CNTNAP2: variants seen among roughly 807,000 people sequenced by gnomAD.
CNTNAP2 encodes the protein contactin associated protein 2.
CNTNAP2 carries 98 observed loss-of-function variants against 155.2 expected under a neutral mutation model. That is an observed-to-expected ratio of 0.63 (90% confidence interval 0.54 to 0.75). The LOEUF is 0.75. CNTNAP2 is among the 30% of genes least tolerant of loss of function. The probability of loss-of-function intolerance (pLI) is 0.00; values close to 1 mark genes in which losing one functional copy is unlikely to be tolerated. For synonymous variants in CNTNAP2, 651 were observed against 631.2 expected (o/e 1.03, Z -0.47); for missense variants, 1,727 against 1,688.1 (o/e 1.02, Z -0.40).
chr7:148,133,828 A>G (rs1804882833), intron 16 of CNTNAP2: 1 of 152,152 alleles, frequency 6.6e-6, no homozygotes, highest in Non-Finnish European at 1.5e-5. Flanking sequence ...AGGTACTATG[A>G]CACCAAAAAG....
At chr7:147,656,517 C>T (rs908819422) in intron 13 of CNTNAP2, among the ~76,000 whole-genome samples, 2 of 152,050 alleles carry the variant, frequency 1.3e-5, no homozygotes, top group Admixed American at 6.6e-5. Flanking sequence ...ATAAGAAGGC[C>T]TGAGGAGAAG....
chr7:146,974,736 C>T (rs1361044214), intron 3 of CNTNAP2, among the ~76,000 whole-genome samples: 1 of 152,138 alleles, frequency 6.6e-6, no homozygotes, highest in African/African-American at 2.4e-5. Flanking sequence ...CAGTGGCTCA[C>T]ACCTGTAATC....
chr7:146,398,944 T>A (rs1007922371), intron 1 of CNTNAP2, among the ~76,000 whole-genome samples: 1 of 152,106 alleles, frequency 6.6e-6, no homozygotes, highest in African/African-American at 2.4e-5. Flanking sequence ...CATAATAACC[T>A]ATGTAGGTAG....
At chr7:148,079,089 G>A (rs1292490741) in intron 15 of CNTNAP2, among the ~76,000 whole-genome samples, 1 of 152,180 alleles carries the variant, frequency 6.6e-6, no homozygotes, top group Admixed American at 6.5e-5. Context: ...GGTCTATGAT[G>A]TTGTCAACAG....
At chr7:148,228,079 A>G (rs879514557) in intron 19 of CNTNAP2, among the ~76,000 whole-genome samples, 42 of 152,128 alleles carry the variant, frequency 2.8e-4, no homozygotes, top group African/African-American at 7.0e-4. Context: ...AAATCAGAAT[A>G]TCAGTTTTGT....
intron 13 of CNTNAP2, among the ~76,000 whole-genome samples, chr7:147,721,882 A>T (rs1438157382): frequency 6.6e-6 from 1 of 152,116 alleles, no homozygotes; most frequent in African/African-American, 2.4e-5. Flanking sequence ...CAAGTTCTGA[A>T]ACACGGACTT....
chr7:147,303,640 A>G (rs891903637), intron 9 of CNTNAP2, among the ~76,000 whole-genome samples: 1 of 152,234 alleles, frequency 6.6e-6, no homozygotes, highest in African/African-American at 2.4e-5. Flanking sequence ...CTGATTTTGA[A>G]TATGGCTTTA....
chr7:147,830,373 G>C (rs925482550), intron 13 of CNTNAP2, among the ~76,000 whole-genome samples: 1 of 151,926 alleles, frequency 6.6e-6, no homozygotes, highest in Non-Finnish European at 1.5e-5. Context: ...TCTTGTATAA[G>C]GTCACTAATA....
At chr7:146,629,255 ATAGAATTACATACTATT>A (rs1467041124) in intron 1 of CNTNAP2, among the ~76,000 whole-genome samples, 2 of 152,160 alleles carry the variant, frequency 1.3e-5, no homozygotes, top group Non-Finnish European at 2.9e-5. Flanking sequence ...AGCCACACAC[ATAGAATTACATACTATT>A]TAGAAACGGG....
At chr7:147,148,117 G>A (rs542870534) in intron 8 of CNTNAP2, among the ~76,000 whole-genome samples, 9 of 151,992 alleles carry the variant, frequency 5.9e-5, no homozygotes, top group East Asian at 5.8e-4. Context: ...GGGGCCGGGC[G>A]CGGTGGCTCA....
intron 15 of CNTNAP2, among the ~76,000 whole-genome samples, chr7:148,023,487 G>A (rs1423878195): frequency 1.3e-5 from 2 of 152,164 alleles, no homozygotes; most frequent in Non-Finnish European, 2.9e-5. Context: ...CCTCTTGTCT[G>A]GTTGGAGGAT....
At chr7:146,485,343 T>C (rs938366314) in intron 1 of CNTNAP2, among the ~76,000 whole-genome samples, 18 of 152,196 alleles carry the variant, frequency 1.2e-4, no homozygotes, top group Admixed American at 5.2e-4. Context: ...CTGTGCTATG[T>C]CCTGTGTACT....
intron 13 of CNTNAP2, among the ~76,000 whole-genome samples, chr7:147,873,828 C>T (rs4457243): frequency 0.011 from 1,664 of 152,220 alleles, 88 homozygotes; most frequent in Admixed American, 0.091. Flanking sequence ...CAAGTTAGTT[C>T]CTTCCTAGAT....
intron 12 of CNTNAP2, among the ~76,000 whole-genome samples, chr7:147,597,245 C>A (rs914463899): frequency 1.3e-5 from 2 of 152,054 alleles, no homozygotes; most frequent in Non-Finnish European, 2.9e-5. Flanking sequence ...GATTGGGATC[C>A]CTTTCCAGTA....
At chr7:146,768,634 T>C (rs1237109261) in intron 1 of CNTNAP2, among the ~76,000 whole-genome samples, 1 of 151,826 alleles carries the variant, frequency 6.6e-6, no homozygotes, top group Non-Finnish European at 1.5e-5. Flanking sequence ...CACAGAGTGA[T>C]GTGTTCAACT....
intron 13 of CNTNAP2, among the ~76,000 whole-genome samples, chr7:147,781,407 A>G (rs1479447676): frequency 6.6e-6 from 1 of 152,174 alleles, no homozygotes; most frequent in African/African-American, 2.4e-5. Flanking sequence ...AGAAAAAGAG[A>G]TTGGACTTGC....
chr7:147,681,965 G>A (rs369015374), intron 13 of CNTNAP2, among the ~76,000 whole-genome samples: 2 of 151,860 alleles, frequency 1.3e-5, no homozygotes, highest in Admixed American at 1.3e-4. Context: ...GCAGACTAGT[G>A]GAGAGATCTT....
rs978122993 is a variant in CNTNAP2, at chr7:147,121,216, C to G, written c.939+53C>G. 2.6e-6 allele frequency: 4 copies of G among 1,539,022 alleles called. No homozygotes were observed. The African/African-American group carries it at 4.1e-5, about 16-fold the overall frequency. On this transcript the variant is annotated intron_variant, in intron 6 of 23. Transcript: ENST00000361727. ...TAAAATGTCAAGCAATTGTGTCACT[C>G]TCCTACTGTATTGTATTATTGTTAA...
intron 13 of CNTNAP2, among the ~76,000 whole-genome samples, chr7:147,879,516 G>A (rs1198905990): frequency 1.3e-5 from 2 of 151,904 alleles, no homozygotes; most frequent in East Asian, 1.9e-4. Flanking sequence ...TTAAACAAGG[G>A]CAGGCACAGT....
Sources: allele counts gnomAD v4.1 joint callset (sites outside exome capture counted in the v4.1 genomes callset), GRCh38; gene constraint gnomAD v4.1.1; transcripts MANE v1.5; gene names NCBI Gene and HGNC (gene_info 2026-07-23, HGNC 2026-07-21).